The following ZBED1 variants were observed in gnomAD, a reference collection of about 807,000 sequenced individuals.
ZBED1 encodes zinc finger BED-type containing 1, also known as E3 SUMO-protein ligase ZBED1.
ZBED1 carries 19 observed loss-of-function variants against 49.7 expected under a neutral mutation model. That is an observed-to-expected ratio of 0.38 (90% CI 0.27 to 0.56). ZBED1 has a LOEUF of 0.56. Ranked by LOEUF, ZBED1 falls within the 20% of genes least tolerant of loss-of-function variation. The pLI is 0.70. For synonymous variants in ZBED1, 439 were observed against 440.3 expected (o/e 1.00, Z 0.04); for missense variants, 806 against 972.6 (o/e 0.83, Z 2.28).
intron 1 of ZBED1, among the ~76,000 whole-genome samples, chrX:2,492,989 C>T (rs1002739394): frequency 3.9e-5 from 6 of 152,224 alleles, no homozygotes; most frequent in Non-Finnish European, 7.3e-5. Context: ...TTTCCGTCAA[C>T]GGTGCCCGCC....
intron 1 of ZBED1, among the ~76,000 whole-genome samples, chrX:2,490,983 T>G (rs771396912): frequency 6.6e-6 from 1 of 151,988 alleles, no homozygotes; most frequent in East Asian, 1.9e-4. Flanking sequence ...TTAATCCGAC[T>G]GCAGCGATGC....
chrX:2,489,662 C>G lies in ZBED1; in HGVS notation c.1058G>C (p.Trp353Ser), dbSNP rs1260501825. ...CAGCATGGCCAGCGTGCTCCCCCACCAGGAGACGCGGTTGCTCACCAGCAT... is the reference window on the plus strand; with the variant it reads ...CAGCATGGCCAGCGTGCTCCCCCACGAGGAGACGCGGTTGCTCACCAGCAT... ...HCMLVSNRVS[W>S]WGSTLAMLQR... The change falls in exon 2 of 2, where the codon TGG becomes TCG. Residue 353 changes from tryptophan (W) to serine (S), a missense_variant. By Grantham distance (177) the Trp-to-Ser change is radical (BLOSUM62 -3). Coordinates refer to ENST00000652001, the MANE Select transcript of ZBED1 (RefSeq NM_001171136.2). The G allele has an allele frequency of 6.2e-7, 1 of 1,612,326 alleles. No individual in the cohort carries two copies. The highest frequency in any genetic ancestry group is 1.7e-5 in the Admixed American group (1 of 59,950).
intron 1 of ZBED1, among the ~76,000 whole-genome samples, chrX:2,496,454 C>T (rs1024180880): frequency 3.3e-5 from 5 of 152,194 alleles, no homozygotes; most frequent in African/African-American, 1.2e-4. Flanking sequence ...CCGCCTCAGC[C>T]TCCCAAAGTG....
chrX:2,492,511 G>A (rs2045178685), intron 1 of ZBED1, among the ~76,000 whole-genome samples: 1 of 152,176 alleles, frequency 6.6e-6, no homozygotes, highest in South Asian at 2.1e-4. Context: ...CCAGGATGTG[G>A]AATGAGATCT....
intron 1 of ZBED1, among the ~76,000 whole-genome samples, chrX:2,494,886 A>C (rs1489074948): frequency 6.6e-6 from 1 of 151,882 alleles, no homozygotes; most frequent in East Asian, 1.9e-4. Context: ...TACTGTGAAC[A>C]AAGGTTTATA....
At position 2,490,393 on chromosome X, in the gene ZBED1, C is replaced by T. The variant is rs199866649; in HGVS notation, c.327G>A (p.Ala109=). 8.7e-6 allele frequency: 14 copies of T among 1,613,692 alleles called. No individual in the cohort carries two copies. Among genetic ancestry groups the T allele is most frequent in the Non-Finnish European group, 1.2e-5 (14 of 1,179,858 alleles). Residue 109 remains alanine (A), a synonymous_variant, in exon 2 of 2, where the codon GCG becomes GCA. Coordinates refer to ENST00000652001, the MANE Select transcript of ZBED1 (RefSeq NM_001171136.2). ...PESSQQPGQD[A]LAVKAGHGYD... ...AGCCGTGGCCGGCCTTGACGGCCAG[C>T]GCGTCCTGCCCGGGCTGCTGGGACG...
chrX:2,500,741 C>T, intron 1 of ZBED1, 76 bp downstream of exon 1: 1 of 686,744 alleles, frequency 1.5e-6, no homozygotes, highest in Non-Finnish European at 1.8e-6. Context: ...ACGCGGAGCC[C>T]CCGCGCCCCC....
At chrX:2,493,909 T>C (rs1308764364) in intron 1 of ZBED1, among the ~76,000 whole-genome samples, 3 of 152,014 alleles carry the variant, frequency 2.0e-5, no homozygotes, top group Non-Finnish European at 4.4e-5. Context: ...GAAGCAGAGG[T>C]TGCAGTGAGC....
At chrX:2,491,283 T>G (rs1390182824) in intron 1 of ZBED1, among the ~76,000 whole-genome samples, 1 of 152,166 alleles carries the variant, frequency 6.6e-6, no homozygotes, top group Non-Finnish European at 1.5e-5. Flanking sequence ...TTGGTCAGGC[T>G]GGTCTCGAAC....
Position 2,490,170 on chromosome X carries a change from T to A in ZBED1, c.550A>T (p.Ile184Phe), listed in dbSNP as rs1441245017. The A allele has an allele frequency of 6.2e-7, 1 of 1,613,946 alleles. No homozygotes were observed. The highest frequency in any genetic ancestry group is 1.3e-5 in the African/African-American group (1 of 75,038). Residue 184 changes from isoleucine (I) to phenylalanine (F), a missense_variant, in exon 2 of 2, where the codon ATC becomes TTC. Physicochemically the swap from Ile to Phe is conservative, Grantham distance 21 (BLOSUM62 0). Transcript: ENST00000652001. ...GTGGCCTCGGCCAGCTCCTTCAGGA[T>A]CACCTCCCGGACGGCCCCGTACTTC... Reference protein sequence around the residue: ...PEKYGAVREVILKELAEATWC... With the variant: ...PEKYGAVREVFLKELAEATWC...
rs151076245 is a variant in ZBED1 at position 2,490,504 on chromosome X, G to T, written c.216C>A (p.Pro72=). The change falls in exon 2 of 2, where the codon CCC becomes CCA. Residue 72 remains proline (P), a synonymous_variant. Coordinates refer to ENST00000652001, the MANE Select transcript of ZBED1 (RefSeq NM_001171136.2). ...TCTTGACGAACTCGCAGAATTCCTC[G>T]GGGTGGTTCTTCTCCAGGTGGTAGG... ...NLSYHLEKNH[P]EEFCEFVKSN... is the part of the protein sequence containing the mutation. 6.2e-7 allele frequency: 1 copy of T among 1,613,838 alleles called. No individual in the cohort carries two copies. The highest frequency in any genetic ancestry group is 8.5e-7 in the Non-Finnish European group (1 of 1,179,866).
At chrX:2,497,203 T>A (rs2045307156) in intron 1 of ZBED1, among the ~76,000 whole-genome samples, 1 of 152,162 alleles carries the variant, frequency 6.6e-6, no homozygotes. Flanking sequence ...GAGACCAGCC[T>A]GACCAACATG....
Position 2,489,301 on chromosome X carries a change from G to A in ZBED1, c.1419C>T (p.Thr473=). 6.2e-7 allele frequency: 1 copy of A among 1,613,964 alleles called. No homozygotes were observed. The highest frequency in any genetic ancestry group is 8.5e-7 in the Non-Finnish European group (1 of 1,179,872). Residue 473 remains threonine (T), a synonymous_variant, in exon 2 of 2, where the codon ACC becomes ACT. Coordinates refer to ENST00000652001, the MANE Select transcript of ZBED1 (RefSeq NM_001171136.2). ...GCCTCTTGTAGCGGGGGTCCAGGAA[G>A]GTGGCCACGTTGAGAAACATGTCGA... ...PEIDMFLNVA[T]FLDPRYKRLP...
intron 1 of ZBED1, among the ~76,000 whole-genome samples, chrX:2,498,600 CTGT>C (rs200001413): frequency 0.025 from 3,645 of 145,028 alleles, 148 homozygotes; most frequent in African/African-American, 0.087. Context: ...TAACAACCTT[CTGT>C]TGTTGTTTAA....
At chrX:2,495,821 G>A (rs762243713) in intron 1 of ZBED1, among the ~76,000 whole-genome samples, 25 of 152,188 alleles carry the variant, frequency 1.6e-4, no homozygotes, top group African/African-American at 5.8e-4. Context: ...TCAGGGGGCC[G>A]GCGATTTCAC....
In ZBED1 at chrX:2,499,288, C is replaced by G. The variant is rs137929989; in HGVS notation, c.-54+1529G>C. On this transcript the variant is annotated intron_variant, in intron 1 of 1. Transcript: ENST00000652001. ...GTCTACAGAGGCAGAAATAACAGCT[C>G]TCTTCTTAGGCTGGACATTTAAGAC... Among the ~76,000 whole-genome samples, 47 of 152,296 alleles carry G rather than the reference C, an allele frequency of 3.1e-4. No individual in the cohort carries two copies. The East Asian group carries it at 9.1e-3, about 29-fold the overall frequency.
At chrX:2,497,596 G>A in intron 1 of ZBED1, among the ~76,000 whole-genome samples, 1 of 152,250 alleles carries the variant, frequency 6.6e-6, no homozygotes, top group East Asian at 1.9e-4. Context: ...CACTCCTGTG[G>A]TACAGCATTT....
intron 1 of ZBED1, among the ~76,000 whole-genome samples, chrX:2,491,069 T>TG (rs1245223824): frequency 3.4e-5 from 4 of 117,858 alleles, no homozygotes; most frequent in African/African-American, 1.3e-4. Context: ...GCCTTTAGTT[T>TG]TTTTTTTTTT....
At chrX:2,492,480 G>T (rs1453011233) in intron 1 of ZBED1, among the ~76,000 whole-genome samples, 2 of 151,950 alleles carry the variant, frequency 1.3e-5, no homozygotes, top group Non-Finnish European at 2.9e-5. Flanking sequence ...CCCGCAGAAA[G>T]ATCTGTCCAC....
Sources: allele counts gnomAD v4.1 joint callset (sites outside exome capture counted in the v4.1 genomes callset), GRCh38; gene constraint gnomAD v4.1.1; transcripts MANE v1.5; gene names NCBI Gene and HGNC (gene_info 2026-07-23, HGNC 2026-07-21).